ALMS1: variants seen among roughly 807,000 people sequenced by gnomAD.
ALMS1 encodes the protein centrosome-associated protein ALMS1.
ALMS1 carries 271 observed loss-of-function variants against 352.2 expected under a neutral mutation model. That is an observed-to-expected ratio of 0.77 (90% CI 0.70 to 0.85). The LOEUF (loss-of-function observed/expected upper bound fraction) is 0.85. ALMS1 is among the 40% of genes least tolerant of loss of function. The pLI is 0.00. For synonymous variants in ALMS1, 1,865 were observed against 1,761.2 expected (o/e 1.06, Z -1.48); for missense variants, 5,445 against 4,870.7 (o/e 1.12, Z -3.51).
At chr2:73,487,492 C>T (rs925205710) in intron 9 of ALMS1, among the ~76,000 whole-genome samples, 2 of 152,170 alleles carry the variant, frequency 1.3e-5, no homozygotes, top group African/African-American at 2.4e-5. Flanking sequence ...AACCACAAAA[C>T]CCCAAAGAGG....
chr2:73,388,624 C>A (rs76363434), intron 1 of ALMS1, among the ~76,000 whole-genome samples: 1 of 152,180 alleles, frequency 6.6e-6, no homozygotes, highest in African/African-American at 2.4e-5. Context: ...CAGGCTCCAT[C>A]CATGTTGCTG....
chr2:73,528,491 T>G (rs1044426585), intron 11 of ALMS1, among the ~76,000 whole-genome samples: 1 of 152,242 alleles, frequency 6.6e-6, no homozygotes, highest in Non-Finnish European at 1.5e-5. Flanking sequence ...TTTGTCTGTT[T>G]TTATAATTTT....
Position 73,453,776 on chromosome 2 carries a change from A to G in ALMS1, c.7249A>G (p.Ser2417Gly). 1.2e-6 allele frequency: 2 copies of G among 1,614,152 alleles called. No individual in the cohort carries two copies. Among genetic ancestry groups the G allele is most frequent in the Non-Finnish European group, 8.5e-7 (1 of 1,180,016 alleles). The change falls in exon 8 of 23, where the codon AGT (serine) becomes GGT (glycine). Residue 2417 changes from serine (S) to glycine (G), a missense_variant. Physicochemically the swap from Ser to Gly is moderately conservative, Grantham distance 56. Transcript: ENST00000613296. ...GACTGTCATAAAAAGTGATTCAAGT[A>G]GTGATGCCAGTGATGGAAATGGTTC... ...MMTVIKSDSS[S>G]DASDGNGSCS...
chr2:73,386,334 G>A (rs1018185421), intron 1 of ALMS1, 142 bp downstream of exon 1: 6 of 1,203,492 alleles, frequency 5.0e-6, no homozygotes, highest in South Asian at 3.4e-5. Flanking sequence ...CCAGACTCCA[G>A]CCCAGGTGCC....
chr2:73,465,871 A>G (rs1381350232), intron 9 of ALMS1, among the ~76,000 whole-genome samples: 9 of 152,232 alleles, frequency 5.9e-5, no homozygotes, highest in Admixed American at 3.3e-4. Context: ...GCAGGCAAAA[A>G]ACACATGAAA....
At position 73,429,070 on chromosome 2, in the gene ALMS1, G is replaced by A. The variant is rs542144811; in HGVS notation, c.1338+2517G>A. On this transcript the variant is annotated intron_variant, in intron 6 of 22. Transcript: ENST00000613296. ...AATGACTTCGGAGGATCACTTTCCT[G>A]ATCTGCATAAGGAAATAGGAATAGT... is the stretch of plus-strand genomic sequence containing the variant. Among the ~76,000 whole-genome samples the A allele has an allele frequency of 1.3e-4, 20 of 152,204 alleles. No homozygotes were observed. In the South Asian group the frequency reaches 2.9e-3, roughly 22 times the overall value.
At chr2:73,434,597 C>T (rs1217429984) in intron 7 of ALMS1, among the ~76,000 whole-genome samples, 1 of 152,164 alleles carries the variant, frequency 6.6e-6, no homozygotes, top group Non-Finnish European at 1.5e-5. Flanking sequence ...TCTTTCAGCT[C>T]TAGTGGGTTT....
intron 1 of ALMS1, among the ~76,000 whole-genome samples, chr2:73,393,062 T>G (rs1004543742): frequency 2.0e-5 from 3 of 152,206 alleles, no homozygotes; most frequent in African/African-American, 7.2e-5. Context: ...TTCATGTGCT[T>G]CTTGGCCATT....
intron 21 of ALMS1, among the ~76,000 whole-genome samples, chr2:73,606,426 T>A (rs998046010): frequency 6.6e-6 from 1 of 152,148 alleles, no homozygotes; most frequent in African/African-American, 2.4e-5. Flanking sequence ...ACTAATACTC[T>A]CACCTCAGCA....
At chr2:73,538,617 T>G (rs565068587) in intron 12 of ALMS1, among the ~76,000 whole-genome samples, 1 of 152,134 alleles carries the variant, frequency 6.6e-6, no homozygotes, top group African/African-American at 2.4e-5. Context: ...CAAGGGGTCA[T>G]GGAATTCCCT....
In ALMS1 at chr2:73,429,402, G is replaced by A. The variant is rs570387513; in HGVS notation, c.1339-2796G>A. Among the ~76,000 whole-genome samples, 13 of 150,878 alleles carry A rather than the reference G, an allele frequency of 8.6e-5. No individual in the cohort carries two copies. In the East Asian group the frequency reaches 2.3e-3, roughly 27 times the overall value. Reference sequence around the variant, plus strand: ...GTTTAAGCAGTTGTCCTGCTGCAGCGTCCCAAGTAGCTGGGATTACAGGTG... The same window carrying A: ...GTTTAAGCAGTTGTCCTGCTGCAGCATCCCAAGTAGCTGGGATTACAGGTG... On this transcript the variant is annotated intron_variant, in intron 6 of 22. Transcript: ENST00000613296.
intron 7 of ALMS1, among the ~76,000 whole-genome samples, chr2:73,439,116 C>CT (rs11395640): frequency 0.37 from 49,439 of 132,086 alleles, 12,637 homozygotes; most frequent in African/African-American, 0.74. Flanking sequence ...TCCTCCTCCT[C>CT]TTTTTTTTTT....
chr2:73,486,635 C>T (rs984083613), intron 9 of ALMS1, among the ~76,000 whole-genome samples: 3 of 152,198 alleles, frequency 2.0e-5, no homozygotes, highest in African/African-American at 4.8e-5. Context: ...CAGCATAATT[C>T]CTCAGGTCCC....
At chr2:73,456,009 A>G (rs1248173563) in intron 9 of ALMS1, among the ~76,000 whole-genome samples, 1 of 152,170 alleles carries the variant, frequency 6.6e-6, no homozygotes, top group African/African-American at 2.4e-5. Flanking sequence ...TTTTCCTTCT[A>G]TTAACTATTT....
chr2:73,539,423 GA>G (rs1448656260), intron 12 of ALMS1, among the ~76,000 whole-genome samples: 1 of 152,086 alleles, frequency 6.6e-6, no homozygotes, highest in African/African-American at 2.4e-5. Flanking sequence ...CAGAGATGGG[GA>G]AAAAACAGAG....
intron 10 of ALMS1, among the ~76,000 whole-genome samples, chr2:73,505,151 C>G (rs1439875228): frequency 6.6e-6 from 1 of 152,076 alleles, no homozygotes; most frequent in African/African-American, 2.4e-5. Flanking sequence ...GGTTCTAAGT[C>G]TTTGTTATTG....
intron 16 of ALMS1, among the ~76,000 whole-genome samples, chr2:73,579,808 C>A (rs545383358): frequency 6.6e-6 from 1 of 152,180 alleles, no homozygotes; most frequent in Non-Finnish European, 1.5e-5. Context: ...TCAAGATTCT[C>A]TGTCTTTGGC....
At chr2:73,398,289 A>G (rs994212427) in intron 1 of ALMS1, among the ~76,000 whole-genome samples, 1 of 152,196 alleles carries the variant, frequency 6.6e-6, no homozygotes, top group Non-Finnish European at 1.5e-5. Flanking sequence ...AATCAATTGA[A>G]TACATTTATA....
At position 73,489,861 on chromosome 2, in the gene ALMS1, C is replaced by G. The variant is rs527617375; in HGVS notation, c.7902C>G (p.Asp2634Glu). The change falls in exon 10 of 23, where the codon GAC becomes GAG. Residue 2634 changes from aspartate to glutamate, a missense_variant. Asp to Glu is a conservative substitution (Grantham distance 45). Coordinates refer to ENST00000613296, the MANE Select transcript of ALMS1 (RefSeq NM_001378454.1). Reference sequence around the variant, plus strand: ...ATGTCAACCTTTCTGCATCCTTAGACCAGAACAACTCCCATTTCAAAGTTT... The same window carrying G: ...ATGTCAACCTTTCTGCATCCTTAGAGCAGAACAACTCCCATTTCAAAGTTT... Reference protein sequence around the residue: ...AKHVNLSASLDQNNSHFKVWN... With the variant: ...AKHVNLSASLEQNNSHFKVWN... 9 of 1,614,124 alleles carry G rather than the reference C, an allele frequency of 5.6e-6. No homozygotes were observed. The South Asian group carries it at 9.9e-5, about 18-fold the overall frequency.
Sources: gnomAD v4.1 joint callset for allele counts (sites outside exome capture counted in the v4.1 genomes callset) on GRCh38, gnomAD v4.1.1 for gene constraint, MANE v1.5 for transcripts, NCBI Gene and HGNC (gene_info 2026-07-23, HGNC 2026-07-21) for gene names.